The following TMEM132C variants were observed in gnomAD, a reference collection of about 807,000 sequenced individuals.
The protein encoded by TMEM132C is protein phosphatase 1, regulatory subunit 152.
In TMEM132C, 29 loss-of-function variants were observed where a neutral mutation model predicts 61.4. The ratio of observed to expected loss-of-function variants is 0.47; its 90% CI spans 0.35 to 0.64. The LOEUF is 0.64. Ranked by LOEUF, TMEM132C falls within the 30% of genes least tolerant of loss-of-function variation. TMEM132C has a pLI of 0.00. For missense variants in TMEM132C, 1,408 were observed against 1,476.9 expected (o/e 0.95, Z 0.76); for synonymous variants, 656 against 633.1 (o/e 1.04, Z -0.54).
intron 1 of TMEM132C, among the ~76,000 whole-genome samples, chr12:128,409,818 A>G (rs373260505): frequency 1.3e-5 from 2 of 152,196 alleles, no homozygotes; most frequent in East Asian, 1.9e-4. Context: ...AGAGGGTGGC[A>G]TGCTTATTCA....
At chr12:128,440,842 A>T (rs1297525072) in intron 2 of TMEM132C, among the ~76,000 whole-genome samples, 1 of 152,172 alleles carries the variant, frequency 6.6e-6, no homozygotes, top group Non-Finnish European at 1.5e-5. Context: ...TGAGATGAAG[A>T]GTTCAAGACC....
At chr12:128,597,391 T>A (rs1876008153) in intron 3 of TMEM132C, among the ~76,000 whole-genome samples, 1 of 151,614 alleles carries the variant, frequency 6.6e-6, no homozygotes, top group African/African-American at 2.4e-5. Context: ...GGTAGGAGAA[T>A]CACTTGAACC....
At chr12:128,542,247 A>T (rs1029202185) in intron 2 of TMEM132C, among the ~76,000 whole-genome samples, 42 of 151,946 alleles carry the variant, frequency 2.8e-4, no homozygotes, top group Non-Finnish European at 7.4e-5. Flanking sequence ...CAGTTTCCCA[A>T]ATCTGTTGCT....
chr12:128,494,348 T>G (rs2136103428), intron 2 of TMEM132C, among the ~76,000 whole-genome samples: 1 of 152,358 alleles, frequency 6.6e-6, no homozygotes, highest in East Asian at 1.9e-4. Flanking sequence ...GCTATCAGGA[T>G]GATGCTGGCC....
chr12:128,315,251 G>A (rs1223682335), intron 1 of TMEM132C, among the ~76,000 whole-genome samples: 1 of 152,162 alleles, frequency 6.6e-6, no homozygotes, highest in African/African-American at 2.4e-5. Flanking sequence ...AAGCCAGTGT[G>A]TGCCTGCCCC....
chr12:128,433,626 G>A (rs1869473732), intron 2 of TMEM132C, among the ~76,000 whole-genome samples: 1 of 152,084 alleles, frequency 6.6e-6, no homozygotes, highest in South Asian at 2.1e-4. Flanking sequence ...AGTGTCAGAC[G>A]GGACTTGGGA....
At chr12:128,615,230 T>C (rs1876759794) in intron 3 of TMEM132C, among the ~76,000 whole-genome samples, 5 of 152,006 alleles carry the variant, frequency 3.3e-5, no homozygotes, top group Admixed American at 2.6e-4. Flanking sequence ...ACAGCAGTGG[T>C]CCCTGACCTT....
chr12:128,401,942 A>G (rs1012848364), intron 1 of TMEM132C, among the ~76,000 whole-genome samples: 1 of 152,148 alleles, frequency 6.6e-6, no homozygotes, highest in African/African-American at 2.4e-5. Context: ...GGCTGCAAAT[A>G]TGTGACCTGC....
chr12:128,586,349 TTATAG>T (rs10608744), intron 3 of TMEM132C, among the ~76,000 whole-genome samples: 90,102 of 149,978 alleles, frequency 0.6, 28,710 homozygotes, highest in African/African-American at 0.83. Flanking sequence ...TGTATGTGAC[TTATAG>T]TATAGGCATC....
At chr12:128,441,987 C>A (rs1005677665) in intron 2 of TMEM132C, among the ~76,000 whole-genome samples, 7 of 151,954 alleles carry the variant, frequency 4.6e-5, no homozygotes, top group Admixed American at 3.3e-4. Flanking sequence ...GGTGACAGAG[C>A]AAGACTCCAT....
At chr12:128,527,297 G>A (rs976670955) in intron 2 of TMEM132C, among the ~76,000 whole-genome samples, 2 of 152,322 alleles carry the variant, frequency 1.3e-5, no homozygotes, top group African/African-American at 4.8e-5. Context: ...CCAGCCAGGA[G>A]TCCGGTGCTA....
intron 1 of TMEM132C, among the ~76,000 whole-genome samples, chr12:128,299,342 G>GT (rs1373729787): frequency 6.6e-6 from 1 of 152,126 alleles, no homozygotes; most frequent in Admixed American, 6.5e-5. Context: ...TCCCTGGGTG[G>GT]TTAATGTATA....
chr12:128,430,396 G>A (rs892184754), intron 2 of TMEM132C, among the ~76,000 whole-genome samples: 6 of 152,164 alleles, frequency 3.9e-5, no homozygotes, highest in Non-Finnish European at 8.8e-5. Flanking sequence ...GGCCTCTTAC[G>A]TGACCTTAAC....
At chr12:128,398,288 A>G (rs561981682) in intron 1 of TMEM132C, among the ~76,000 whole-genome samples, 10 of 152,328 alleles carry the variant, frequency 6.6e-5, no homozygotes, top group African/African-American at 2.4e-4. Context: ...GCATCTCTAG[A>G]CTGACCTGGG....
chr12:128,354,690 G>A lies in TMEM132C; in HGVS notation c.86-60042G>A, dbSNP rs142031647. On this transcript the variant is annotated intron_variant, in intron 1 of 8. Coordinates refer to ENST00000435159, the MANE Select transcript of TMEM132C (RefSeq NM_001136103.3). ...AGACAATTTAAGGGGTTTGTCAGGA[G>A]TCATTTGTCTTTCCGTGATTTACAC... 6.9e-4 allele frequency among the ~76,000 whole-genome samples: 105 copies of A among 152,270 alleles called. 1 individual carries two copies. The East Asian group carries it at 0.017, about 25-fold the overall frequency.
intron 1 of TMEM132C, among the ~76,000 whole-genome samples, chr12:128,320,458 C>T (rs753772068): frequency 2.6e-5 from 4 of 152,026 alleles, no homozygotes; most frequent in African/African-American, 4.8e-5. Context: ...GTCTAGTTGA[C>T]AATAACATAT....
At chr12:128,699,892 C>T (rs1453482547) in intron 8 of TMEM132C, among the ~76,000 whole-genome samples, 1 of 152,180 alleles carries the variant, frequency 6.6e-6, no homozygotes, top group Non-Finnish European at 1.5e-5. Flanking sequence ...ATCCAGCCCA[C>T]AGCACTGGCT....
chr12:128,650,364 G>A (rs1176497800), intron 4 of TMEM132C, among the ~76,000 whole-genome samples: 1 of 152,014 alleles, frequency 6.6e-6, no homozygotes, highest in Non-Finnish European at 1.5e-5. Context: ...TCATGTAAGA[G>A]TCTCATTAAA....
intron 2 of TMEM132C, among the ~76,000 whole-genome samples, chr12:128,474,632 C>T (rs1201543929): frequency 6.6e-6 from 1 of 152,094 alleles, no homozygotes; most frequent in African/African-American, 2.4e-5. Context: ...TTAGAATGCC[C>T]GATGAGAACG....
Sources: allele counts gnomAD v4.1 joint callset (sites outside exome capture counted in the v4.1 genomes callset), GRCh38; gene constraint gnomAD v4.1.1; transcripts MANE v1.5; gene names NCBI Gene and HGNC (gene_info 2026-07-23, HGNC 2026-07-21).